Variants in RNPC3 observed in about 807,000 individuals in gnomAD.
RNPC3 encodes the protein RNA binding region (RNP1, RRM) containing 3, also known as RNA-binding region-containing protein 3.
In RNPC3, 48 loss-of-function variants were observed where a neutral mutation model predicts 67.5. That is an observed-to-expected ratio of 0.71 (90% CI 0.56 to 0.90). The LOEUF is 0.90. Ranked by LOEUF, RNPC3 falls within the 40% of genes least tolerant of loss-of-function variation. The probability of loss-of-function intolerance (pLI) is 0.00; values close to 1 mark genes in which losing one functional copy is unlikely to be tolerated. For synonymous variants in RNPC3, 239 were observed against 210.3 expected, an observed-to-expected ratio of 1.14 and a Z score of -1.18; for missense variants, 637 against 626.1, an observed-to-expected ratio of 1.02 and a Z score of -0.19.
chr1:103,538,528 G>A (rs1651048731), intron 7 of RNPC3, among the ~76,000 whole-genome samples: 1 of 152,182 alleles, frequency 6.6e-6, no homozygotes, highest in African/African-American at 2.4e-5. Context: ...ATTAAGTAAG[G>A]TGTTCTTAGA....
chr1:103,545,298 C>T (rs1396899890), intron 10 of RNPC3, 196 bp downstream of exon 10: 4 of 438,078 alleles, frequency 9.1e-6, no homozygotes, highest in African/African-American at 8.4e-5. Context: ...CGTTCCTTTC[C>T]ATACAGTGTT....
At chr1:103,546,917 T>C in intron 11 of RNPC3, 60 bp from the exon 12 acceptor site, 1 of 837,612 alleles carries the variant, frequency 1.2e-6, no homozygotes, top group Non-Finnish European at 1.9e-6. Context: ...TGTATTTATT[T>C]ATTTATTAAG....
chr1:103,551,705 A>C lies in RNPC3; in HGVS notation c.1495-16A>C. ...CTTGCATATTCATGAAGGAAACCTT[A>C]ATTTTAAATTATTAGCAGTTTGCTC... On this transcript the variant is annotated splice_polypyrimidine_tract_variant and intron_variant, in intron 13 of 14. Coordinates refer to ENST00000423855, the MANE Select transcript of RNPC3 (RefSeq NM_017619.4). The C allele has an allele frequency of 6.7e-7, 1 of 1,485,046 alleles. No homozygotes were observed. The highest frequency in any genetic ancestry group is 9.1e-7 in the Non-Finnish European group (1 of 1,099,930). The allele number at this position is 1,485,046 out of a possible 1,614,324, so 92.0% of individuals were successfully genotyped here.
chr1:103,546,764 A>G (rs1315972889), intron 11 of RNPC3: 1 of 425,188 alleles, frequency 2.4e-6, no homozygotes. Flanking sequence ...TGGCTTGTGG[A>G]AGCATCACCA....
chr1:103,552,356 C>T (rs1304154105), intron 14 of RNPC3: 1 of 151,794 alleles, frequency 6.6e-6, no homozygotes, highest in African/African-American at 2.4e-5. Context: ...ATCCAGAGAC[C>T]ACAGCTTGAA....
At chr1:103,545,132 T>C in intron 10 of RNPC3, 30 bp downstream of exon 10, 1 of 1,504,256 alleles carries the variant, frequency 6.6e-7, no homozygotes, top group South Asian at 1.3e-5. Context: ...TAAGCACATA[T>C]TCCATTTTAC....
intron 13 of RNPC3, among the ~76,000 whole-genome samples, chr1:103,551,440 A>G (rs897163848): frequency 7.9e-5 from 12 of 152,228 alleles, no homozygotes; most frequent in African/African-American, 2.7e-4. Flanking sequence ...TTTAATAACT[A>G]GAGTATATCA....
chr1:103,551,387 T>A, intron 13 of RNPC3: 1 of 350,434 alleles, frequency 2.9e-6, no homozygotes, highest in Admixed American at 4.6e-5. Context: ...AAGAACTAAT[T>A]CATTTTATCA....
chr1:103,539,619 A>G (rs1651071746), intron 7 of RNPC3, among the ~76,000 whole-genome samples: 1 of 152,314 alleles, frequency 6.6e-6, no homozygotes, highest in African/African-American at 2.4e-5. Context: ...GTAGTGAGGA[A>G]TTCTGCCAGT....
rs559286976 is a variant in RNPC3 at position 103,550,848 on chromosome 1, T to C, written c.1362-93T>C. On this transcript the variant is annotated intron_variant, in intron 12 of 14. Coordinates refer to ENST00000423855, the MANE Select transcript of RNPC3 (RefSeq NM_017619.4). ...TGCCTATCAAATAGTGTAGTCACTT[T>C]TATTTGAAATAGCAAAATGTTAGAT... 3 of 1,303,226 alleles carry C rather than the reference T, an allele frequency of 2.3e-6. No individual in the cohort carries two copies. In the South Asian group the frequency reaches 3.8e-5, roughly 17 times the overall value. 80.7% of individuals were successfully genotyped at this position (1,303,226 alleles called of 1,614,324 possible). A position where few individuals can be genotyped will look rare whatever the true frequency, so the allele number is the denominator to read the frequency against.
Position 103,537,418 on chromosome 1 carries a change from A to G in RNPC3, c.701A>G (p.Asp234Gly). The G allele has an allele frequency of 6.5e-7, 1 of 1,536,612 alleles. No homozygotes were observed. Among genetic ancestry groups the G allele is most frequent in the Non-Finnish European group, 8.7e-7 (1 of 1,146,552 alleles). ...CCACCTGAGGAACCTCCTTTGCCAG[A>G]CGAGGATGAGGAATTATCTAGTGAA... The part of the protein sequence containing the change: ...PQPPEEPPLP[D>G]EDEELSSEES... Residue 234 changes from aspartate to glycine, a missense_variant, in exon 7 of 15, where the codon GAC becomes GGC. Around this residue, in one of 3 missense-constraint regions of RNPC3, gnomAD observed 536 missense variants for 500.3 expected, o/e 1.07. Transcript: ENST00000423855.
intron 11 of RNPC3, 155 bp downstream of exon 11, chr1:103,546,497 T>C: frequency 2.4e-6 from 1 of 419,302 alleles, no homozygotes; most frequent in Non-Finnish European, 4.2e-6. Context: ...TTCAGGTTAA[T>C]TTTTTATTAA....
chr1:103,537,239 A>G, intron 6 of RNPC3, 103 bp from the exon 7 acceptor site: 1 of 849,224 alleles, frequency 1.2e-6, no homozygotes, highest in South Asian at 2.2e-5. Flanking sequence ...GTTAAAAAAA[A>G]AAAAAGACCA....
Position 103,551,196 on chromosome 1 carries a change from G to A in RNPC3, c.1494+123G>A, listed in dbSNP as rs1165601983. ...GCATTCTAGCAGTAGATATTCATTC[G>A]TTACAATTAAACCCACCTTACTGAG... On this transcript the variant is annotated intron_variant, in intron 13 of 14. Transcript: ENST00000423855. 9 of 794,668 alleles carry A rather than the reference G, an allele frequency of 1.1e-5. No homozygotes were observed. In the East Asian group the frequency reaches 1.4e-4, roughly 12 times the overall value. The allele number at this position is 794,668 out of a possible 1,614,324, so 49.2% of individuals were successfully genotyped here. A position where few individuals can be genotyped will look rare whatever the true frequency, so the allele number is the denominator to read the frequency against.
chr1:103,548,522 C>A (rs376142327), intron 12 of RNPC3, among the ~76,000 whole-genome samples: 5 of 152,260 alleles, frequency 3.3e-5, no homozygotes, highest in African/African-American at 1.2e-4. Context: ...TGCTCCAGTT[C>A]CCAACAAGTT....
Position 103,525,900 on chromosome 1 carries a change from C to G in RNPC3, c.-171C>G, listed in dbSNP as rs949681070. The G allele has an allele frequency of 1.7e-6, 1 of 604,288 alleles. No individual in the cohort carries two copies. Among genetic ancestry groups the G allele is most frequent in the Non-Finnish European group, 2.9e-6 (1 of 346,662 alleles). The allele number at this position is 604,288 out of a possible 1,614,324, so 37.4% of individuals were successfully genotyped here. On this transcript the variant is annotated 5_prime_UTR_variant, in exon 1 of 15. Coordinates refer to ENST00000423855, the MANE Select transcript of RNPC3 (RefSeq NM_017619.4). ...CCCCGAAGAGTCTTCGAAGGGTTGC[C>G]GCTTTTCGGTGGCGCAGTTCTCGCG...
chr1:103,550,097 G>C (rs1480374834), intron 12 of RNPC3, among the ~76,000 whole-genome samples: 2 of 151,968 alleles, frequency 1.3e-5, no homozygotes, highest in Non-Finnish European at 2.9e-5. Flanking sequence ...CCAGGAGGTG[G>C]AGGTTGCACT....
Position 103,543,415 on chromosome 1 carries a change from A to T in RNPC3, c.1013A>T (p.Glu338Val). The change falls in exon 9 of 15, where the codon GAA becomes GTA. Residue 338 changes from glutamate (E) to valine (V), a missense_variant. Physicochemically the swap from Glu to Val is moderately radical, Grantham distance 121. Coordinates refer to ENST00000423855, the MANE Select transcript of RNPC3 (RefSeq NM_017619.4). Reference protein sequence around the residue: ...DMPAAFKKDLEKEQNCEEKNH... With the variant: ...DMPAAFKKDLVKEQNCEEKNH... ...CCAGCTGCATTTAAGAAAGATTTAG[A>T]AAAGGAACAAAATTGTGAGGAAAAA... The T allele has an allele frequency of 6.6e-7, 1 of 1,514,644 alleles. No homozygotes were observed. The allele number at this position is 1,514,644 out of a possible 1,614,324, so 93.8% of individuals were successfully genotyped here. A position where few individuals can be genotyped will look rare whatever the true frequency, so the allele number is the denominator to read the frequency against.
At chr1:103,543,791 A>G (rs1400122838) in intron 9 of RNPC3, among the ~76,000 whole-genome samples, 1 of 151,742 alleles carries the variant, frequency 6.6e-6, no homozygotes, top group Non-Finnish European at 1.5e-5. Context: ...GTGTAACTAT[A>G]TTAATACTGG....
Sources: gnomAD v4.1 joint callset for allele counts (sites outside exome capture counted in the v4.1 genomes callset) on GRCh38, gnomAD v4.1.1 for gene constraint, gnomAD v4.1.1 regional missense constraint, MANE v1.5 for transcripts, NCBI Gene and HGNC (gene_info 2026-07-23, HGNC 2026-07-21) for gene names.